The following SPAG16 variants were observed in gnomAD, a reference collection of about 807,000 sequenced individuals.
SPAG16 encodes the protein sperm associated antigen 16, also known as sperm-associated antigen 16 protein.
In SPAG16, 86 loss-of-function variants were observed where a neutral mutation model predicts 80.4. The observed-to-expected ratio is 1.07, with a 90% CI of 0.90 to 1.28. The LOEUF (loss-of-function observed/expected upper bound fraction) is 1.28, where lower values mean the gene tolerates loss of function less well. Ranked by LOEUF, SPAG16 falls within the 50% of genes most tolerant of loss-of-function variation. The pLI, the probability that SPAG16 is intolerant of heterozygous loss-of-function variation, is 0.00. For synonymous variants in SPAG16, 294 were observed against 265.9 expected, an observed-to-expected ratio of 1.11 and a Z score of -1.03; for missense variants, 870 against 765.3, an observed-to-expected ratio of 1.14 and a Z score of -1.61.
At chr2:213,351,413 C>A (rs530808400) in intron 7 of SPAG16, among the ~76,000 whole-genome samples, 1 of 152,088 alleles carries the variant, frequency 6.6e-6, no homozygotes, top group East Asian at 1.9e-4. Context: ...TAAAAACTCC[C>A]TCATAGGTAC....
chr2:213,679,450 C>A (rs1229718928), intron 10 of SPAG16, among the ~76,000 whole-genome samples: 1 of 152,164 alleles, frequency 6.6e-6, no homozygotes, highest in Non-Finnish European at 1.5e-5. Context: ...AATTGTACCA[C>A]TGGTCCTGAC....
intron 10 of SPAG16, among the ~76,000 whole-genome samples, chr2:213,716,006 C>T (rs1163798427): frequency 1.3e-5 from 2 of 151,722 alleles, no homozygotes; most frequent in Non-Finnish European, 2.9e-5. Context: ...TTAATATTGC[C>T]CTCATCTATT....
chr2:213,522,170 T>C (rs1463587368), intron 10 of SPAG16, among the ~76,000 whole-genome samples: 1 of 152,228 alleles, frequency 6.6e-6, no homozygotes, highest in Non-Finnish European at 1.5e-5. Context: ...AAGAAATTGT[T>C]CCAGGTCCTG....
intron 15 of SPAG16, among the ~76,000 whole-genome samples, chr2:214,399,374 C>T (rs1701582750): frequency 6.6e-6 from 1 of 151,936 alleles, no homozygotes; most frequent in Admixed American, 6.6e-5. Flanking sequence ...ATCACTTAGC[C>T]TCTTTTACCT....
At chr2:213,485,930 G>A (rs1244918122) in intron 9 of SPAG16, among the ~76,000 whole-genome samples, 3 of 151,962 alleles carry the variant, frequency 2.0e-5, no homozygotes, top group Non-Finnish European at 4.4e-5. Context: ...TAAGAAAGAG[G>A]TACCCATTGG....
intron 9 of SPAG16, chr2:213,396,666 A>G (rs1309241351): frequency 1.3e-5 from 6 of 456,444 alleles, no homozygotes; most frequent in Non-Finnish European, 2.6e-5. Flanking sequence ...ACAAGAGAAC[A>G]ACAGTGCACA....
At chr2:213,630,596 A>C (rs2062114354) in intron 10 of SPAG16, among the ~76,000 whole-genome samples, 1 of 152,218 alleles carries the variant, frequency 6.6e-6, no homozygotes, top group South Asian at 2.1e-4. Flanking sequence ...TGATGAATGC[A>C]AAATACCCAG....
chr2:214,309,874 C>G (rs1695164128), intron 15 of SPAG16, among the ~76,000 whole-genome samples: 1 of 152,162 alleles, frequency 6.6e-6, no homozygotes, highest in African/African-American at 2.4e-5. Flanking sequence ...AAGGCAGCAG[C>G]TGGGACAGCA....
At chr2:213,609,338 C>T (rs1385210571) in intron 10 of SPAG16, among the ~76,000 whole-genome samples, 1 of 152,304 alleles carries the variant, frequency 6.6e-6, no homozygotes, top group East Asian at 1.9e-4. Context: ...CAATGGTAAC[C>T]TCTTTGACTG....
chr2:213,867,585 T>G (rs2075742594), intron 11 of SPAG16, among the ~76,000 whole-genome samples: 1 of 152,212 alleles, frequency 6.6e-6, no homozygotes, highest in South Asian at 2.1e-4. Context: ...CAATAAATGT[T>G]AGCTATCATC....
chr2:213,419,608 C>G (rs1174463899), intron 9 of SPAG16, among the ~76,000 whole-genome samples: 1 of 152,032 alleles, frequency 6.6e-6, no homozygotes, highest in South Asian at 2.1e-4. Flanking sequence ...AAAAAGAACA[C>G]CTTTTTAAAA....
chr2:213,502,631 T>C (rs1477101065), intron 10 of SPAG16, among the ~76,000 whole-genome samples: 1 of 152,226 alleles, frequency 6.6e-6, no homozygotes, highest in Non-Finnish European at 1.5e-5. Context: ...GTTACCACAA[T>C]GATGATCACA....
intron 15 of SPAG16, among the ~76,000 whole-genome samples, chr2:214,169,465 A>C (rs762687736): frequency 6.6e-6 from 1 of 151,990 alleles, no homozygotes; most frequent in Non-Finnish European, 1.5e-5. Context: ...TTGCTGAGAT[A>C]ATGAGGGTGG....
intron 10 of SPAG16, among the ~76,000 whole-genome samples, chr2:213,610,568 G>C (rs1258103590): frequency 6.6e-6 from 1 of 152,054 alleles, no homozygotes; most frequent in Non-Finnish European, 1.5e-5. Flanking sequence ...ACAGGAAAAG[G>C]GTCCCAATCC....
intron 15 of SPAG16, among the ~76,000 whole-genome samples, chr2:214,215,163 T>G (rs886212772): frequency 1.3e-5 from 2 of 152,052 alleles, no homozygotes; most frequent in Non-Finnish European, 2.9e-5. Flanking sequence ...ATGACCCCCT[T>G]GTTCACATAA....
intron 10 of SPAG16, among the ~76,000 whole-genome samples, chr2:213,502,645 A>G (rs2074791674): frequency 6.6e-6 from 1 of 152,222 alleles, no homozygotes; most frequent in Admixed American, 6.5e-5. Context: ...GATCACAATG[A>G]ACATTTTTTG....
chr2:213,779,991 T>G (rs1389824669), intron 10 of SPAG16, among the ~76,000 whole-genome samples: 1 of 152,178 alleles, frequency 6.6e-6, no homozygotes, highest in Non-Finnish European at 1.5e-5. Flanking sequence ...AATTCCTAAT[T>G]TATTGCTTAA....
intron 10 of SPAG16, among the ~76,000 whole-genome samples, chr2:213,501,815 T>C (rs2125778613): frequency 6.6e-6 from 1 of 152,326 alleles, no homozygotes; most frequent in South Asian, 2.1e-4. Context: ...TAAAGCTTAG[T>C]TGTTCTAGAA....
intron 15 of SPAG16, among the ~76,000 whole-genome samples, chr2:214,157,613 T>G (rs1160347015): frequency 6.6e-6 from 1 of 152,082 alleles, no homozygotes; most frequent in Non-Finnish European, 1.5e-5. Context: ...CTGTTCTGAT[T>G]TGTATAATGT....
Sources: gnomAD v4.1 joint callset for allele counts (sites outside exome capture counted in the v4.1 genomes callset) on GRCh38, gnomAD v4.1.1 for gene constraint, MANE v1.5 for transcripts, NCBI Gene and HGNC (gene_info 2026-07-23, HGNC 2026-07-21) for gene names.